Variants in TUT7 observed in about 807,000 individuals in gnomAD.
The protein encoded by TUT7 is terminal uridylyl transferase 7, also known as terminal uridylyltransferase 7.
Under a neutral mutation model 165.9 loss-of-function variants are expected in TUT7, and 33 were observed. The observed-to-expected ratio is 0.20, with a 90% CI of 0.15 to 0.27. The LOEUF (loss-of-function observed/expected upper bound fraction) is 0.27, where lower values mean the gene tolerates loss of function less well. Ranked by LOEUF, TUT7 falls within the 10% of genes least tolerant of loss-of-function variation. The pLI is 1.00. For missense variants in TUT7, 1,338 were observed against 1,762.3 expected, an observed-to-expected ratio of 0.76 and a Z score of 4.31; for synonymous variants, 552 against 608.1, an observed-to-expected ratio of 0.91 and a Z score of 1.36.
intron 18 of TUT7, 90 bp from the exon 19 acceptor site, chr9:86,310,107 T>A: frequency 9.0e-7 from 1 of 1,106,576 alleles, no homozygotes; most frequent in Non-Finnish European, 1.3e-6. Context: ...ATAATGGAGA[T>A]GGGATCTCAC....
intron 9 of TUT7, among the ~76,000 whole-genome samples, chr9:86,338,121 G>T (rs1016069825): frequency 6.6e-6 from 1 of 152,058 alleles, no homozygotes; most frequent in Non-Finnish European, 1.5e-5. Flanking sequence ...GTTCATTCAG[G>T]ATCCAAGAAA....
Position 86,352,826 on chromosome 9 carries a change from A to G in TUT7, c.374T>C (p.Ile125Thr), listed in dbSNP as rs1231868739. Reference sequence around the variant, plus strand: ...AAAGGAGTCTTTTCTTTGTCGGTTTATAACAGGAATTCTAGGTCCAGGTTT... The same window carrying G: ...AAAGGAGTCTTTTCTTTGTCGGTTTGTAACAGGAATTCTAGGTCCAGGTTT... ...EFKPGPRIPV[I>T]NRQRKDSFQE... is the part of the protein sequence containing the mutation. Residue 125 changes from isoleucine to threonine, a missense_variant, in exon 2 of 27, where the codon ATA (isoleucine) becomes ACA (threonine). By Grantham distance (89) the Ile-to-Thr change is moderately conservative (BLOSUM62 -1). This residue lies in a region of TUT7 where 434 missense variants were observed against 480.8 expected (regional missense o/e 0.90). Coordinates refer to ENST00000375963, the MANE Select transcript of TUT7 (RefSeq NM_024617.4). 1 of 1,614,200 alleles carries G rather than the reference A, an allele frequency of 6.2e-7. No homozygotes were observed. The highest frequency in any genetic ancestry group is 1.1e-5 in the South Asian group (1 of 91,086).
At chr9:86,347,129 T>A (rs2131601203) in intron 2 of TUT7, among the ~76,000 whole-genome samples, 1 of 152,294 alleles carries the variant, frequency 6.6e-6, no homozygotes, top group East Asian at 1.9e-4. Context: ...CTATCTCTCA[T>A]TTTACCTTTA....
intron 26 of TUT7, among the ~76,000 whole-genome samples, chr9:86,297,368 G>C (rs1826418840): frequency 6.6e-6 from 1 of 152,134 alleles, no homozygotes; most frequent in South Asian, 2.1e-4. Context: ...TGAGAAAACT[G>C]AGGCATATGG....
Position 86,288,759 on chromosome 9 carries a change from G to GA in TUT7, c.4421-16dup. ...GGAAAGGCTACCTAGAGGAGGGGAA[G>GA]AAACAAAACCCAATATAAATGAAAC... On this transcript the variant is annotated splice_polypyrimidine_tract_variant and intron_variant, in intron 26 of 26. Transcript: ENST00000375963. The GA allele has an allele frequency of 6.3e-7, 1 of 1,596,288 alleles. No homozygotes were observed. Among genetic ancestry groups the GA allele is most frequent in the Non-Finnish European group, 8.6e-7 (1 of 1,168,236 alleles).
intron 26 of TUT7, among the ~76,000 whole-genome samples, chr9:86,298,118 C>G (rs1338037391): frequency 6.6e-6 from 1 of 152,082 alleles, no homozygotes; most frequent in Non-Finnish European, 1.5e-5. Context: ...GAGATGCTGC[C>G]TCCTTAGCCA....
chr9:86,352,616 G>A lies in TUT7; in HGVS notation c.520+64C>T, dbSNP rs761810842. ...TTGCTGAAAATAACAAAACTCATTT[G>A]GATGAAAAAGAATAAAACATTGCTG... On this transcript the variant is annotated intron_variant, in intron 2 of 26. Transcript: ENST00000375963. 3.8e-6 allele frequency: 6 copies of A among 1,575,308 alleles called. No homozygotes were observed. In the South Asian group the frequency reaches 6.7e-5, roughly 18 times the overall value.
intron 2 of TUT7, among the ~76,000 whole-genome samples, chr9:86,347,926 A>G (rs940103962): frequency 6.6e-6 from 1 of 151,930 alleles, no homozygotes; most frequent in Non-Finnish European, 1.5e-5. Flanking sequence ...AGATGTATCC[A>G]TTCTCATTTA....
intron 16 of TUT7, among the ~76,000 whole-genome samples, chr9:86,317,677 T>G (rs1003167359): frequency 4.6e-5 from 7 of 152,206 alleles, no homozygotes; most frequent in Non-Finnish European, 1.0e-4. Context: ...AAGCAGACCT[T>G]CTATAGTTTA....
At chr9:86,331,005 T>A (rs1310951272) in intron 10 of TUT7, among the ~76,000 whole-genome samples, 1 of 152,036 alleles carries the variant, frequency 6.6e-6, no homozygotes, top group Non-Finnish European at 1.5e-5. Context: ...CTCAGCCTCC[T>A]GAGTAGCTGG....
chr9:86,351,431 G>A (rs141118872), intron 2 of TUT7, among the ~76,000 whole-genome samples: 2,959 of 152,128 alleles, frequency 0.019, 110 homozygotes, highest in African/African-American at 0.067. Context: ...GCGAGACTCC[G>A]TCTCAAAAAA....
chr9:86,340,204 G>A (rs1831213437), intron 7 of TUT7, 99 bp from the exon 8 acceptor site: 9 of 993,652 alleles, frequency 9.1e-6, no homozygotes, highest in Non-Finnish European at 1.4e-5. Context: ...CTTAGCTGTT[G>A]AGTCTTTTGA....
intron 9 of TUT7, 120 bp downstream of exon 9, chr9:86,338,703 C>T (rs1169605481): frequency 1.0e-5 from 12 of 1,163,066 alleles, no homozygotes; most frequent in Non-Finnish European, 1.4e-5. Context: ...ATTCAGATGT[C>T]TTTCTCTTTT....
rs759375350 is a variant in TUT7 at position 86,323,122 on chromosome 9, T to C, written c.2628A>G (p.Glu876=). Residue 876 remains glutamate (E), a synonymous_variant, in exon 13 of 27, where the codon GAA becomes GAG. Coordinates refer to ENST00000375963, the MANE Select transcript of TUT7 (RefSeq NM_024617.4). ...CAGTGTAGGTGTTGTCTAACTCATC[T>C]TCATTAGCCATGCCATCTTCATCTT... ...QREDEDGMAN[E]DELDNTYTGS... is the part of the protein sequence containing the mutation. 3 of 1,614,238 alleles carry C rather than the reference T, an allele frequency of 1.9e-6. No individual in the cohort carries two copies. Among genetic ancestry groups the C allele is most frequent in the East Asian group, 2.2e-5 (1 of 44,888 alleles).
chr9:86,304,852 T>C lies in TUT7; in HGVS notation c.3978+4A>G. The C allele has an allele frequency of 6.3e-7, 1 of 1,595,092 alleles. No homozygotes were observed. The highest frequency in any genetic ancestry group is 8.6e-7 in the Non-Finnish European group (1 of 1,169,026). On this transcript the variant is annotated splice_donor_region_variant and intron_variant, in intron 24 of 26. Transcript: ENST00000375963. ...TTATTTTTTGGTATTTCCAACACAC[T>C]TACCATTTTTGAGGGGTAGTCCTTT...
At chr9:86,318,073 A>T (rs1295805644) in intron 16 of TUT7, among the ~76,000 whole-genome samples, 2 of 152,200 alleles carry the variant, frequency 1.3e-5, no homozygotes, top group Non-Finnish European at 2.9e-5. Context: ...AAATAGAAAG[A>T]CTTGAAACTA....
At position 86,343,141 on chromosome 9, in the gene TUT7, C is replaced by A; in HGVS notation, c.1020G>T (p.Gly340=). The A allele has an allele frequency of 2.5e-6, 4 of 1,580,494 alleles. No individual in the cohort carries two copies. The highest frequency in any genetic ancestry group is 3.4e-6 in the Non-Finnish European group (4 of 1,163,484). ...TGAAACCCAATCTGCTACAGGATGA[C>A]CCATATAATCTTAGGGAACAATCTA... ...KLPDCSLRLY[G]SSCSRLGFKN... is the part of the protein sequence containing the mutation. Residue 340 remains glycine (G), a synonymous_variant, in exon 6 of 27, where the codon GGG becomes GGT. Coordinates refer to ENST00000375963, the MANE Select transcript of TUT7 (RefSeq NM_024617.4).
chr9:86,345,125 C>T lies in TUT7; in HGVS notation c.849G>A (p.Thr283=), dbSNP rs762605716. The part of the protein sequence containing the change: ...KEKQEEELLT[T]LPPPTPSQIN... ...TCTGGGAGGGTGTTGGTGGGGGTAA[C>T]GTAGTGAGCAACTCTTCCTCTTGCT... The change falls in exon 5 of 27, where the codon ACG becomes ACA. Residue 283 remains threonine, a synonymous_variant. Coordinates refer to ENST00000375963, the MANE Select transcript of TUT7 (RefSeq NM_024617.4). 4.2e-5 allele frequency: 67 copies of T among 1,609,694 alleles called. No individual in the cohort carries two copies. Among genetic ancestry groups the T allele is most frequent in the Non-Finnish European group, 5.5e-5 (65 of 1,178,712 alleles).
At position 86,287,824 on chromosome 9, in the gene TUT7, TAAAG is replaced by T. The variant is rs1367630754; in HGVS notation, c.*849_*852del. The T allele has an allele frequency of 6.6e-6, 1 of 152,102 alleles. No individual in the cohort carries two copies. The highest frequency in any genetic ancestry group is 1.5e-5 in the Non-Finnish European group (1 of 68,006). 9.4% of individuals were successfully genotyped at this position (152,102 alleles called of 1,614,324 possible). ...ACTATGTCTGCAGGGCTTTTGAAAT[TAAAG>T]AAACAGTCCAGGAGGGCTCCAGTCA... On this transcript the variant is annotated 3_prime_UTR_variant, in exon 27 of 27. Transcript: ENST00000375963.
Sources: gnomAD v4.1 joint callset for allele counts (sites outside exome capture counted in the v4.1 genomes callset) on GRCh38, gnomAD v4.1.1 for gene constraint, gnomAD v4.1.1 regional missense constraint, MANE v1.5 for transcripts, NCBI Gene and HGNC (gene_info 2026-07-23, HGNC 2026-07-21) for gene names.